Variants in CNTN5 observed in about 807,000 individuals in gnomAD.
CNTN5 encodes contactin-5.
A neutral mutation model predicts 129.1 loss-of-function variants in CNTN5; 77 were observed. The ratio of observed to expected loss-of-function variants is 0.60; its 90% CI spans 0.50 to 0.72. The LOEUF (loss-of-function observed/expected upper bound fraction) is 0.72. Among genes scored for constraint, CNTN5 ranks in the 30% least tolerant of loss-of-function variants. The pLI is 0.00. For missense variants in CNTN5, 1,478 were observed against 1,328.8 expected (o/e 1.11, Z -1.75); for synonymous variants, 509 against 465.6 (o/e 1.09, Z -1.20).
chr11:99,506,095 T>A (rs2135396542), intron 2 of CNTN5, among the ~76,000 whole-genome samples: 1 of 135,254 alleles, frequency 7.4e-6, no homozygotes, highest in Admixed American at 7.0e-5. Flanking sequence ...GCTCTGAGTA[T>A]TTTTTGACAG....
At chr11:100,157,207 T>C (rs1250375447) in intron 13 of CNTN5, among the ~76,000 whole-genome samples, 4 of 151,900 alleles carry the variant, frequency 2.6e-5, no homozygotes, top group African/African-American at 9.7e-5. Flanking sequence ...CATAATGAAG[T>C]ATAAACATTG....
At chr11:100,289,591 G>A (rs1415786160) in intron 18 of CNTN5, among the ~76,000 whole-genome samples, 1 of 152,106 alleles carries the variant, frequency 6.6e-6, no homozygotes, top group Non-Finnish European at 1.5e-5. Context: ...AATAAATTAG[G>A]TGTTGATGGG....
chr11:99,836,755 A>T (rs1947321064), intron 4 of CNTN5, among the ~76,000 whole-genome samples: 1 of 152,168 alleles, frequency 6.6e-6, no homozygotes, highest in South Asian at 2.1e-4. Flanking sequence ...TTACAGTCTC[A>T]CCAACAGTGT....
At chr11:100,247,002 TCA>T (rs941878107) in intron 16 of CNTN5, among the ~76,000 whole-genome samples, 184 of 152,228 alleles carry the variant, frequency 1.2e-3, no homozygotes, top group African/African-American at 4.3e-3. Context: ...AGTAAAACAG[TCA>T]CACAAATAAA....
chr11:99,485,696 T>G (rs1945784911), intron 2 of CNTN5, among the ~76,000 whole-genome samples: 1 of 152,012 alleles, frequency 6.6e-6, no homozygotes, highest in Non-Finnish European at 1.5e-5. Context: ...AACTTGAAAA[T>G]GCAAACAGAC....
At chr11:99,748,509 A>ATGCT (rs919454592) in intron 3 of CNTN5, among the ~76,000 whole-genome samples, 1 of 152,282 alleles carries the variant, frequency 6.6e-6, no homozygotes, top group African/African-American at 2.4e-5. Context: ...GTTCTACAAT[A>ATGCT]TGCTCTGTGC....
intron 1 of CNTN5, among the ~76,000 whole-genome samples, chr11:99,318,049 G>T (rs1229191591): frequency 2.0e-5 from 3 of 151,938 alleles, no homozygotes; most frequent in Non-Finnish European, 4.4e-5. Context: ...TGTCTTTAAT[G>T]ACATTTCAAA....
At chr11:99,640,393 TGAG>T (rs1372031173) in intron 3 of CNTN5, among the ~76,000 whole-genome samples, 1 of 151,926 alleles carries the variant, frequency 6.6e-6, no homozygotes, top group African/African-American at 2.4e-5. Flanking sequence ...AAAGAGAAAA[TGAG>T]GAAGAAGCAA....
intron 6 of CNTN5, among the ~76,000 whole-genome samples, chr11:99,875,054 G>A (rs1045801001): frequency 3.9e-5 from 6 of 152,230 alleles, no homozygotes; most frequent in Admixed American, 1.3e-4. Context: ...TTGCTGTAGC[G>A]TTAGTAAGAA....
At chr11:99,980,852 ATCC>A (rs1403754372) in intron 8 of CNTN5, among the ~76,000 whole-genome samples, 1 of 151,906 alleles carries the variant, frequency 6.6e-6, no homozygotes, top group Admixed American at 6.6e-5. Context: ...TGATTTCTTC[ATCC>A]TCATTAACAG....
chr11:100,163,596 A>G (rs917210999), intron 13 of CNTN5, among the ~76,000 whole-genome samples: 1 of 151,856 alleles, frequency 6.6e-6, no homozygotes, highest in African/African-American at 2.4e-5. Flanking sequence ...TGTGAATACC[A>G]GAGGTCCTGA....
intron 3 of CNTN5, among the ~76,000 whole-genome samples, chr11:99,811,772 A>G (rs965624274): frequency 7.9e-5 from 12 of 152,042 alleles, no homozygotes; most frequent in African/African-American, 2.7e-4. Context: ...AGGTTAATTG[A>G]GTTTTATCAC....
intron 20 of CNTN5, among the ~76,000 whole-genome samples, chr11:100,303,265 C>CAT (rs1320393408): frequency 1.4e-4 from 21 of 151,242 alleles, no homozygotes; most frequent in Non-Finnish European, 2.4e-4. Context: ...ATACAACACG[C>CAT]TAATTTTGGA....
intron 7 of CNTN5, among the ~76,000 whole-genome samples, chr11:99,921,959 A>G (rs965117142): frequency 7.2e-5 from 11 of 152,208 alleles, no homozygotes; most frequent in Non-Finnish European, 1.5e-5. Context: ...TTATTTGCTT[A>G]AAAGAAGAAC....
intron 3 of CNTN5, among the ~76,000 whole-genome samples, chr11:99,755,784 G>A (rs1225910496): frequency 6.6e-6 from 1 of 152,004 alleles, no homozygotes; most frequent in African/African-American, 2.4e-5. Context: ...CTTCTAAGCT[G>A]CCTTCCTACT....
At chr11:99,323,994 T>A (rs1865679188) in intron 1 of CNTN5, among the ~76,000 whole-genome samples, 1 of 152,190 alleles carries the variant, frequency 6.6e-6, no homozygotes, top group South Asian at 2.1e-4. Flanking sequence ...TCACAATTTG[T>A]ATACTACAAT....
chr11:99,629,400 G>A (rs1048158682), intron 3 of CNTN5, among the ~76,000 whole-genome samples: 2 of 151,866 alleles, frequency 1.3e-5, no homozygotes, highest in African/African-American at 2.4e-5. Context: ...CATTGTTTGA[G>A]GTCTTTACTC....
At chr11:99,955,894 C>A (rs919576640) in intron 7 of CNTN5, among the ~76,000 whole-genome samples, 1 of 152,036 alleles carries the variant, frequency 6.6e-6, no homozygotes, top group African/African-American at 2.4e-5. Flanking sequence ...TAAATATTAG[C>A]GAAATCTTGC....
chr11:99,582,092 T>G (rs1382506206), intron 3 of CNTN5, among the ~76,000 whole-genome samples: 2 of 152,140 alleles, frequency 1.3e-5, no homozygotes, highest in African/African-American at 4.8e-5. Context: ...TGAAGCTTAA[T>G]TTGGCTGGAT....
Sources: gnomAD v4.1 joint callset for allele counts (sites outside exome capture counted in the v4.1 genomes callset) on GRCh38, gnomAD v4.1.1 for gene constraint, MANE v1.5 for transcripts, NCBI Gene and HGNC (gene_info 2026-07-23, HGNC 2026-07-21) for gene names.